CHLSN: variants seen among roughly 807,000 people sequenced by gnomAD.
CHLSN encodes the protein cholesin, also known as protein cholesin.
At chr7:1,038,443 C>A in the CHLSN span, among the ~76,000 whole-genome samples, 6 of 83,432 alleles carry the variant, frequency 7.2e-5, no homozygotes, top group Admixed American at 6.1e-4. Flanking sequence ...GGGGGTCAGC[C>A]CCCCAACCCG....
At chr7:1,097,646 G>A in the CHLSN span, among the ~76,000 whole-genome samples, 1 of 152,224 alleles carries the variant, frequency 6.6e-6, no homozygotes, top group Non-Finnish European at 1.5e-5. This position sits in a 1 kb window ranked among gnomAD's most constrained non-coding sequence, Gnocchi z 4.3. Context: ...GGGCAGTGAG[G>A]TGCAGGGGAC....
the CHLSN span, chr7:988,696 C>T: frequency 1.3e-6 from 2 of 1,599,992 alleles, no homozygotes; most frequent in Non-Finnish European, 1.7e-6. Context: ...TGTTTGCCGG[C>T]CTCCTGCAGA....
the CHLSN span, among the ~76,000 whole-genome samples, chr7:979,265 C>T: frequency 7.2e-5 from 11 of 152,288 alleles, no homozygotes; most frequent in South Asian, 4.1e-4. Context: ...AGCAATGTTT[C>T]GGGCCTCAGC....
the CHLSN span, chr7:1,127,330 AG>A: frequency 6.2e-7 from 1 of 1,610,756 alleles, no homozygotes; most frequent in Admixed American, 1.7e-5. Context: ...CGCCTTCTTC[AG>A]CTTTTTGTTC....
chr7:1,001,874 G>A, the CHLSN span, among the ~76,000 whole-genome samples: 8 of 100,550 alleles, frequency 8.0e-5, no homozygotes, highest in East Asian at 3.6e-4. Context: ...TGTGGGTGGG[G>A]AGTCCTGTGG....
At chr7:1,133,479 G>A in the CHLSN span, among the ~76,000 whole-genome samples, 21 of 151,492 alleles carry the variant, frequency 1.4e-4, no homozygotes, top group South Asian at 2.9e-3. Context: ...GGCCAGGCAC[G>A]GTGGCTCACG....
the CHLSN span, among the ~76,000 whole-genome samples, chr7:1,021,173 A>G: frequency 3.3e-5 from 5 of 150,252 alleles, no homozygotes; most frequent in African/African-American, 1.2e-4. Flanking sequence ...GGGGATCACC[A>G]GGTTAAGAAC....
the CHLSN span, among the ~76,000 whole-genome samples, chr7:1,067,907 A>G: frequency 6.6e-6 from 1 of 151,816 alleles, no homozygotes; most frequent in Non-Finnish European, 1.5e-5. Flanking sequence ...AGTGCACCCC[A>G]GAGGTGAGGG....
chr7:995,889 T>C, the CHLSN span, among the ~76,000 whole-genome samples: 1 of 152,180 alleles, frequency 6.6e-6, no homozygotes, highest in Non-Finnish European at 1.5e-5. Context: ...CGGGGCTGGA[T>C]GCTGGCCAAG....
chr7:1,032,024 C>G, the CHLSN span, among the ~76,000 whole-genome samples: 5 of 152,142 alleles, frequency 3.3e-5, no homozygotes, highest in African/African-American at 1.2e-4. Flanking sequence ...CCCAGGCACC[C>G]CAAGACCATG....
At chr7:1,007,689 G>T in the CHLSN span, among the ~76,000 whole-genome samples, 1 of 152,198 alleles carries the variant, frequency 6.6e-6, no homozygotes, top group Non-Finnish European at 1.5e-5. Flanking sequence ...TTTCTGAGAA[G>T]TAAGAGTCCC....
the CHLSN span, among the ~76,000 whole-genome samples, chr7:1,100,889 C>G: frequency 6.6e-6 from 1 of 152,232 alleles, no homozygotes; most frequent in East Asian, 1.9e-4. Context: ...CCGGGAACGG[C>G]TGAGGGGCAG....
At chr7:1,006,215 C>T in the CHLSN span, among the ~76,000 whole-genome samples, 4 of 152,194 alleles carry the variant, frequency 2.6e-5, no homozygotes, top group African/African-American at 4.8e-5. Flanking sequence ...CAGAGCAACA[C>T]GGCTCTGAGC....
At chr7:1,007,006 C>T in the CHLSN span, among the ~76,000 whole-genome samples, 3 of 152,156 alleles carry the variant, frequency 2.0e-5, no homozygotes, top group Non-Finnish European at 2.9e-5. Flanking sequence ...GCCCAGCCTG[C>T]GACCCGGGTT....
chr7:990,445 C>A, the CHLSN span, among the ~76,000 whole-genome samples: 1 of 152,150 alleles, frequency 6.6e-6, no homozygotes, highest in African/African-American at 2.4e-5. Flanking sequence ...CAGCGCTGAC[C>A]ATGCACGTGA....
chr7:998,206 G>T, the CHLSN span, among the ~76,000 whole-genome samples: 3 of 152,206 alleles, frequency 2.0e-5, no homozygotes, highest in African/African-American at 7.2e-5. Context: ...TGGCCAGGTG[G>T]CATCTCTTGG....
the CHLSN span, among the ~76,000 whole-genome samples, chr7:1,081,748 C>A: frequency 3.2e-3 from 460 of 144,972 alleles, 3 homozygotes; most frequent in Admixed American, 8.6e-3. Context: ...CTTTCTTCTG[C>A]CCACTGCAGC....
chr7:979,473 C>G, the CHLSN span, among the ~76,000 whole-genome samples: 1 of 152,016 alleles, frequency 6.6e-6, no homozygotes, highest in African/African-American at 2.4e-5. Context: ...GTGATTTGGC[C>G]GGGTGTGGTG....
At chr7:1,005,548 G>A in the CHLSN span, among the ~76,000 whole-genome samples, 2 of 152,380 alleles carry the variant, frequency 1.3e-5, no homozygotes, top group East Asian at 3.9e-4. Context: ...GAGCTGGGCT[G>A]TCCCTCGGCA....
Sources: gnomAD v4.1 joint callset for allele counts (sites outside exome capture counted in the v4.1 genomes callset) on GRCh38, gnomAD v4.1.1 for gene constraint, Gnocchi (gnomAD v3.1) non-coding constraint, MANE v1.5 for transcripts, NCBI Gene and HGNC (gene_info 2026-07-23, HGNC 2026-07-21) for gene names.